The following KCNN3 variants were observed in gnomAD, a reference collection of about 807,000 sequenced individuals.
KCNN3 encodes the protein small conductance calcium-activated potassium channel protein 3.
In KCNN3, 16 loss-of-function variants were observed where a neutral mutation model predicts 62.9. That is an observed-to-expected ratio of 0.25 (90% CI 0.17 to 0.39). The LOEUF (loss-of-function observed/expected upper bound fraction) is 0.39. Among genes scored for constraint, KCNN3 ranks in the 10% least tolerant of loss-of-function variants. The pLI is 1.00. For synonymous variants in KCNN3, 370 were observed against 389.2 expected (o/e 0.95, Z 0.58); for missense variants, 599 against 949.4 (o/e 0.63, Z 4.85).
At chr1:154,708,385 A>G in intron 7 of KCNN3, 113 bp from the exon 8 acceptor site, 3 of 1,052,930 alleles carry the variant, frequency 2.8e-6, no homozygotes, top group Non-Finnish European at 4.4e-6. Context: ...CTTCCACACC[A>G]GCTGATCTGG....
Position 154,809,239 on chromosome 1 carries a change from C to G in KCNN3, c.1029+12850G>C, listed in dbSNP as rs1650303511. ...AACACTCAGCCCCAGCAGCCAAGCC[C>G]CAGCACCAGCAGCCACGCTTTCATT... On this transcript the variant is annotated intron_variant, in intron 2 of 7. Coordinates refer to ENST00000271915, the MANE Select transcript of KCNN3 (RefSeq NM_002249.6). This position sits in a 1 kb window ranked among gnomAD's most constrained non-coding sequence, Gnocchi z 4.3. Among the ~76,000 whole-genome samples the G allele has an allele frequency of 6.6e-6, 1 of 152,174 alleles. No homozygotes were observed. Among genetic ancestry groups the G allele is most frequent in the African/African-American group, 2.4e-5 (1 of 41,426 alleles).
intron 1 of KCNN3, among the ~76,000 whole-genome samples, chr1:154,846,469 A>C (rs1272688352): frequency 6.6e-6 from 1 of 152,172 alleles, no homozygotes; most frequent in Non-Finnish European, 1.5e-5. Context: ...CCCCGGGAGG[A>C]GGAGTGTTTT....
intron 2 of KCNN3, among the ~76,000 whole-genome samples, chr1:154,820,706 T>C (rs2101893210): frequency 6.6e-6 from 1 of 152,306 alleles, no homozygotes; most frequent in East Asian, 1.9e-4. Flanking sequence ...CAATTCAGAC[T>C]CCATGAAGGA....
At chr1:154,729,166 G>A (rs1282144603) in intron 4 of KCNN3, among the ~76,000 whole-genome samples, 1 of 152,154 alleles carries the variant, frequency 6.6e-6, no homozygotes, top group Non-Finnish European at 1.5e-5. Context: ...GAGGGAGGAA[G>A]CAGGATGGGA....
chr1:154,788,321 A>G (rs1649369797), intron 2 of KCNN3, among the ~76,000 whole-genome samples: 1 of 152,202 alleles, frequency 6.6e-6, no homozygotes, highest in Non-Finnish European at 1.5e-5. Context: ...TGGAAGCACC[A>G]TACAAAGTGG....
rs551609812 is a variant in KCNN3, at chr1:154,740,293, T to A, written c.1449-7149A>T. ...ATTTTTTATTGACTTATTGTTATTG[T>A]ATTTTTAGAGACAGGGTCTTACTCT... On this transcript the variant is annotated intron_variant, in intron 3 of 7. Transcript: ENST00000271915. Among the ~76,000 whole-genome samples the A allele has an allele frequency of 1.1e-4, 16 of 152,346 alleles. No homozygotes were observed. In the South Asian group the frequency reaches 3.3e-3, roughly 32 times the overall value.
chr1:154,725,885 C>T (rs1700451778), intron 5 of KCNN3, 31 bp downstream of exon 5: 1 of 1,549,580 alleles, frequency 6.5e-7, no homozygotes, highest in African/African-American at 1.4e-5. Context: ...GCCTTAAGTC[C>T]CCCATAAGAC....
At chr1:154,820,957 T>A (rs113380879) in intron 2 of KCNN3, among the ~76,000 whole-genome samples, 198 of 152,342 alleles carry the variant, frequency 1.3e-3, no homozygotes, top group African/African-American at 4.5e-3. Context: ...TCCGCACTGC[T>A]GCTCCACCCT....
At position 154,761,942 on chromosome 1, in the gene KCNN3, A is replaced by G. The variant is rs145916177; in HGVS notation, c.1448+10033T>C. ...GCGACAGAATGAGACTCCGCATCAA[A>G]AACAAACAACGAAGTAACAAACAAA... is the stretch of plus-strand genomic sequence containing the variant. On this transcript the variant is annotated intron_variant, in intron 3 of 7. Coordinates refer to ENST00000271915, the MANE Select transcript of KCNN3 (RefSeq NM_002249.6). 5.1e-3 allele frequency among the ~76,000 whole-genome samples: 764 copies of G among 150,256 alleles called. 7 individuals carry two copies. The highest frequency in any genetic ancestry group is 0.018 in the African/African-American group (725 of 40,644).
At chr1:154,819,912 T>C (rs1438573552) in intron 2 of KCNN3, among the ~76,000 whole-genome samples, 1 of 152,212 alleles carries the variant, frequency 6.6e-6, no homozygotes, top group Non-Finnish European at 1.5e-5. Context: ...CTCTGTACTC[T>C]ACACTGTTTC....
Position 154,772,643 on chromosome 1 carries a change from C to G in KCNN3, c.1030-250G>C, listed in dbSNP as rs1648611660. Among the ~76,000 whole-genome samples the G allele has an allele frequency of 6.6e-6, 1 of 152,232 alleles. No homozygotes were observed. On this transcript the variant is annotated intron_variant, in intron 2 of 7. Coordinates refer to ENST00000271915, the MANE Select transcript of KCNN3 (RefSeq NM_002249.6). This position sits in a 1 kb window ranked among gnomAD's most constrained non-coding sequence, Gnocchi z 5.6. Reference sequence around the variant, plus strand: ...CTCTTGGCCTCACTTTCCTCCTCTGCAAATCGCTGCCTGAGATATAGTGAT... The same window carrying G: ...CTCTTGGCCTCACTTTCCTCCTCTGGAAATCGCTGCCTGAGATATAGTGAT...
At chr1:154,808,049 C>T (rs1238293058) in intron 2 of KCNN3, among the ~76,000 whole-genome samples, 2 of 152,190 alleles carry the variant, frequency 1.3e-5, no homozygotes, top group African/African-American at 4.8e-5. Context: ...TCTTACCTCT[C>T]AGTCTTTGAT....
At position 154,739,619 on chromosome 1, in the gene KCNN3, CT is replaced by C. The variant is rs1423768867; in HGVS notation, c.1449-6476del. 2.0e-5 allele frequency among the ~76,000 whole-genome samples: 3 copies of C among 152,160 alleles called. No homozygotes were observed. The East Asian group carries it at 5.8e-4, about 29-fold the overall frequency. Reference sequence around the variant, plus strand: ...CTTCACACACTTTTGCAATCCTTTCCTTTTGAGTGTGGGCTGGACCAAGTAA... The same window carrying C: ...CTTCACACACTTTTGCAATCCTTTCCTTTGAGTGTGGGCTGGACCAAGTAA... On this transcript the variant is annotated intron_variant, in intron 3 of 7. Coordinates refer to ENST00000271915, the MANE Select transcript of KCNN3 (RefSeq NM_002249.6).
chr1:154,808,053 C>G (rs1336311539), intron 2 of KCNN3, among the ~76,000 whole-genome samples: 1 of 152,180 alleles, frequency 6.6e-6, no homozygotes, highest in African/African-American at 2.4e-5. Flanking sequence ...ACCTCTCAGT[C>G]TTTGATACAG....
chr1:154,771,873 C>T, intron 3 of KCNN3, 102 bp downstream of exon 3: 3 of 1,170,376 alleles, frequency 2.6e-6, no homozygotes, highest in Non-Finnish European at 3.8e-6. Context: ...TGGGTACATG[C>T]CTGTCTCCTC....
chr1:154,708,896 G>A (rs1700018840), intron 7 of KCNN3, among the ~76,000 whole-genome samples: 1 of 152,220 alleles, frequency 6.6e-6, no homozygotes, highest in South Asian at 2.1e-4. Context: ...AAAGGAGGCT[G>A]CCTTGCTGAG....
intron 1 of KCNN3, among the ~76,000 whole-genome samples, chr1:154,829,182 C>T (rs1651278952): frequency 6.6e-6 from 1 of 152,226 alleles, no homozygotes; most frequent in South Asian, 2.1e-4. Flanking sequence ...AGTGCAAGGT[C>T]AAGAAGAGAT....
chr1:154,827,140 T>G lies in KCNN3; in HGVS notation c.934-4956A>C, dbSNP rs372349747. The stretch of plus-strand genomic sequence containing the variant: ...TGCATTCAATCTGGGAAATAATTGA[T>G]TTAGAAATCTTTTCTATCTAATAAG... On this transcript the variant is annotated intron_variant, in intron 1 of 7. Coordinates refer to ENST00000271915, the MANE Select transcript of KCNN3 (RefSeq NM_002249.6). Among the ~76,000 whole-genome samples the G allele has an allele frequency of 2.0e-5, 3 of 152,250 alleles. No homozygotes were observed. The East Asian group carries it at 5.8e-4, about 29-fold the overall frequency.
chr1:154,723,036 C>G (rs1473919871), intron 5 of KCNN3, among the ~76,000 whole-genome samples: 1 of 152,152 alleles, frequency 6.6e-6, no homozygotes, highest in Non-Finnish European at 1.5e-5. Context: ...GGCTGCTTAG[C>G]ATCTTCTTGA....
Sources: allele counts gnomAD v4.1 joint callset (sites outside exome capture counted in the v4.1 genomes callset), GRCh38; gene constraint gnomAD v4.1.1; non-coding constraint Gnocchi (gnomAD v3.1); transcripts MANE v1.5; gene names NCBI Gene and HGNC (gene_info 2026-07-23, HGNC 2026-07-21).